The following CSMD3 variants were observed in gnomAD, a reference collection of about 807,000 sequenced individuals.
CSMD3 encodes the protein CUB and Sushi multiple domains 3, also known as CUB and sushi domain-containing protein 3.
In CSMD3, 177 loss-of-function variants were observed where a neutral mutation model predicts 435.2. The observed-to-expected ratio is 0.41, with a 90% CI of 0.36 to 0.46. The LOEUF (loss-of-function observed/expected upper bound fraction) is 0.46, where lower values mean the gene tolerates loss of function less well. CSMD3 is among the 20% of genes least tolerant of loss of function. The probability of loss-of-function intolerance (pLI) is 0.34; values close to 1 mark genes in which losing one functional copy is unlikely to be tolerated. For missense variants in CSMD3, 4,265 were observed against 4,504.6 expected (o/e 0.95, Z 1.52); for synonymous variants, 1,656 against 1,520.5 (o/e 1.09, Z -2.07).
At chr8:112,554,103 CT>C (rs1348299363) in intron 25 of CSMD3, among the ~76,000 whole-genome samples, 1 of 151,904 alleles carries the variant, frequency 6.6e-6, no homozygotes, top group Non-Finnish European at 1.5e-5. Flanking sequence ...GCCCTATGGA[CT>C]TTGGACTTAT....
rs550007717 is a variant in CSMD3, at chr8:112,445,590, A to G, written c.5395+27001T>C. 2.0e-5 allele frequency among the ~76,000 whole-genome samples: 3 copies of G among 152,254 alleles called. No individual in the cohort carries two copies. In the South Asian group the frequency reaches 6.2e-4, roughly 32 times the overall value. On this transcript the variant is annotated intron_variant, in intron 32 of 70. Coordinates refer to ENST00000297405, the MANE Select transcript of CSMD3 (RefSeq NM_198123.2). The stretch of plus-strand genomic sequence containing the variant: ...CACTTAACACCAAGGAGATGGCACT[A>G]AGCCATTTATAAGGGATCTGCTTCC...
chr8:113,385,837 A>C (rs2094436903), intron 1 of CSMD3, among the ~76,000 whole-genome samples: 1 of 152,108 alleles, frequency 6.6e-6, no homozygotes, highest in African/African-American at 2.4e-5. Flanking sequence ...CACAATTCAG[A>C]AAAGATGCTA....
intron 22 of CSMD3, among the ~76,000 whole-genome samples, chr8:112,605,023 TA>T (rs1832682276): frequency 6.6e-6 from 1 of 152,020 alleles, no homozygotes; most frequent in Admixed American, 6.6e-5. Context: ...AATAAGCATA[TA>T]AAAAATGTTC....
chr8:112,344,755 A>T (rs73700637), intron 41 of CSMD3, among the ~76,000 whole-genome samples: 5,274 of 152,252 alleles, frequency 0.035, 305 homozygotes, highest in African/African-American at 0.12. Context: ...AGAATTTATT[A>T]AATATGATAT....
chr8:112,868,003 A>G (rs1599051), intron 10 of CSMD3, among the ~76,000 whole-genome samples: 76,433 of 151,982 alleles, frequency 0.5, 19,775 homozygotes, highest in East Asian at 0.79. Flanking sequence ...CACATTGCAC[A>G]GCCATACATC....
intron 5 of CSMD3, among the ~76,000 whole-genome samples, chr8:113,039,298 C>T (rs2087499136): frequency 1.3e-5 from 2 of 152,026 alleles, no homozygotes. Flanking sequence ...GAATCTTATA[C>T]ATATTTGTAT....
intron 4 of CSMD3, among the ~76,000 whole-genome samples, chr8:113,158,594 A>C (rs1170030795): frequency 6.6e-6 from 1 of 152,076 alleles, no homozygotes; most frequent in Non-Finnish European, 1.5e-5. Flanking sequence ...AAAAGTTAAA[A>C]TGCCTATCCC....
At chr8:112,650,109 T>C (rs2131631064) in intron 19 of CSMD3, 52 bp downstream of exon 19, 2 of 1,310,592 alleles carry the variant, frequency 1.5e-6, no homozygotes, top group South Asian at 1.2e-5. Flanking sequence ...AAAACTACAT[T>C]GATTTTTCTG....
intron 22 of CSMD3, among the ~76,000 whole-genome samples, chr8:112,604,022 T>A (rs1371207647): frequency 6.6e-6 from 1 of 151,856 alleles, no homozygotes; most frequent in African/African-American, 2.4e-5. Flanking sequence ...ATAATATTAA[T>A]TTTTTTTCAA....
chr8:112,867,573 T>G (rs1228004096), intron 10 of CSMD3, among the ~76,000 whole-genome samples: 1 of 152,134 alleles, frequency 6.6e-6, no homozygotes, highest in Non-Finnish European at 1.5e-5. Flanking sequence ...TATAGCCTAT[T>G]GCTTCTAATC....
chr8:113,061,804 A>G (rs924655748), intron 5 of CSMD3, among the ~76,000 whole-genome samples: 1 of 152,028 alleles, frequency 6.6e-6, no homozygotes, highest in African/African-American at 2.4e-5. Context: ...GAATAAATAC[A>G]TAACTTAAAT....
At chr8:113,228,806 A>G (rs950678142) in intron 3 of CSMD3, among the ~76,000 whole-genome samples, 1 of 151,628 alleles carries the variant, frequency 6.6e-6, no homozygotes, top group African/African-American at 2.4e-5. Context: ...TCCAAACAGC[A>G]TAACAAAGGG....
chr8:112,723,255 A>C (rs1587081784), intron 13 of CSMD3, among the ~76,000 whole-genome samples: 1 of 152,206 alleles, frequency 6.6e-6, no homozygotes, highest in East Asian at 1.9e-4. Context: ...TTTCTTATGA[A>C]TTTTCTTGCC....
intron 15 of CSMD3, among the ~76,000 whole-genome samples, chr8:112,683,961 G>A (rs1027979767): frequency 6.6e-6 from 1 of 151,386 alleles, no homozygotes; most frequent in Non-Finnish European, 1.5e-5. Flanking sequence ...TGATTAAGCA[G>A]TGTAACTCTA....
chr8:113,394,557 A>C (rs2094474915), intron 1 of CSMD3, among the ~76,000 whole-genome samples: 1 of 152,070 alleles, frequency 6.6e-6, no homozygotes, highest in Non-Finnish European at 1.5e-5. Flanking sequence ...ATATTTCTAA[A>C]TTTTCATGAA....
At chr8:112,934,724 G>A (rs1343473039) in intron 9 of CSMD3, among the ~76,000 whole-genome samples, 1 of 151,964 alleles carries the variant, frequency 6.6e-6, no homozygotes, top group East Asian at 1.9e-4. Flanking sequence ...CTTTGGGCCT[G>A]GGAGCCTGGA....
intron 3 of CSMD3, among the ~76,000 whole-genome samples, chr8:113,182,964 A>G (rs546645229): frequency 1.3e-5 from 2 of 152,148 alleles, no homozygotes; most frequent in South Asian, 2.1e-4. Context: ...CAGAAAACAG[A>G]TGGTTACAAT....
chr8:112,582,524 G>A (rs1830406072), intron 23 of CSMD3, among the ~76,000 whole-genome samples: 1 of 151,916 alleles, frequency 6.6e-6, no homozygotes, highest in Non-Finnish European at 1.5e-5. Flanking sequence ...GAAAATGTCA[G>A]GCACAGTAAA....
chr8:112,494,538 T>TCTTTCTTTC (rs1821109349), intron 30 of CSMD3, among the ~76,000 whole-genome samples: 1 of 145,122 alleles, frequency 6.9e-6, no homozygotes, highest in Non-Finnish European at 1.5e-5. Context: ...TTTCTTTCTT[T>TCTTTCTTTC]CTTTCTTTCT....
Sources: allele counts gnomAD v4.1 joint callset (sites outside exome capture counted in the v4.1 genomes callset), GRCh38; gene constraint gnomAD v4.1.1; transcripts MANE v1.5; gene names NCBI Gene and HGNC (gene_info 2026-07-23, HGNC 2026-07-21).